The following MGAT4D variants were observed in gnomAD, a reference collection of about 807,000 sequenced individuals.
The protein encoded by MGAT4D is alpha-1,3-mannosyl-glycoprotein 4-beta-N-acetylglucosaminyltransferase-like protein MGAT4D.
A neutral mutation model predicts 15.9 loss-of-function variants in MGAT4D; 34 were observed. The observed-to-expected ratio is 2.14, with a 90% confidence interval of 1.62 to 2.84. The LOEUF (loss-of-function observed/expected upper bound fraction) is 2.84. MGAT4D is among the 30% of genes most tolerant of loss of function. The pLI is 0.00. For synonymous variants in MGAT4D, 112 were observed against 48.2 expected, an observed-to-expected ratio of 2.33 and a Z score of -5.49; for missense variants, 327 against 140.2, an observed-to-expected ratio of 2.33 and a Z score of -6.73.
intron 9 of MGAT4D, 35 bp downstream of exon 9, chr4:140,456,554 C>A: frequency 1.1e-5 from 6 of 550,782 alleles, no homozygotes; most frequent in South Asian, 4.9e-5. Flanking sequence ...AATATTTTTC[C>A]TAAAATATTT....
chr4:140,467,250 GA>G (rs553634941), intron 5 of MGAT4D, among the ~76,000 whole-genome samples: 21 of 150,334 alleles, frequency 1.4e-4, no homozygotes, highest in Admixed American at 6.6e-5. Context: ...TACTGGCGTA[GA>G]AAAAAAAAGA....
intron 1 of MGAT4D, among the ~76,000 whole-genome samples, chr4:140,488,687 G>A (rs555175227): frequency 6.6e-6 from 1 of 152,258 alleles, no homozygotes. Flanking sequence ...GAAATGGTAT[G>A]GTATGTGATA....
chr4:140,475,660 C>CAAA (rs1162390812), intron 3 of MGAT4D, among the ~76,000 whole-genome samples: 1,473 of 52,808 alleles, frequency 0.028, 71 homozygotes, highest in East Asian at 0.25. Context: ...AATAAAACTG[C>CAAA]AAAAAAAAAA....
At chr4:140,477,450 C>G (rs1347631156) in intron 3 of MGAT4D, among the ~76,000 whole-genome samples, 3 of 152,242 alleles carry the variant, frequency 2.0e-5, no homozygotes, top group Non-Finnish European at 4.4e-5. Flanking sequence ...GAAGAATTCA[C>G]AGAGAAGTTG....
chr4:140,478,580 C>T (rs1362256214), intron 3 of MGAT4D, among the ~76,000 whole-genome samples: 1 of 152,036 alleles, frequency 6.6e-6, no homozygotes, highest in Non-Finnish European at 1.5e-5. Context: ...AGGTGTAAAA[C>T]AGAGATGACA....
intron 5 of MGAT4D, among the ~76,000 whole-genome samples, chr4:140,465,411 C>T (rs902387720): frequency 2.6e-5 from 4 of 152,146 alleles, no homozygotes; most frequent in Non-Finnish European, 5.9e-5. Context: ...AGCAATGTGG[C>T]TCCTGAAACT....
intron 3 of MGAT4D, 101 bp downstream of exon 3, chr4:140,479,389 T>C (rs1175983619): frequency 2.7e-6 from 1 of 368,852 alleles, no homozygotes; most frequent in Non-Finnish European, 4.9e-6. Context: ...GTAGTCTGCA[T>C]ATCAATCTAA....
chr4:140,470,727 C>T (rs1053607690), intron 5 of MGAT4D, among the ~76,000 whole-genome samples: 7 of 152,214 alleles, frequency 4.6e-5, no homozygotes, highest in Non-Finnish European at 1.0e-4. Flanking sequence ...AGAATGTCTA[C>T]TTATTCCTTC....
intron 1 of MGAT4D, among the ~76,000 whole-genome samples, chr4:140,488,896 G>A (rs781728890): frequency 6.6e-6 from 1 of 152,092 alleles, no homozygotes; most frequent in Non-Finnish European, 1.5e-5. Flanking sequence ...TGACATGCCT[G>A]CCTGCTCTGG....
At chr4:140,483,547 CA>C (rs1341961315) in intron 1 of MGAT4D, among the ~76,000 whole-genome samples, 7 of 151,904 alleles carry the variant, frequency 4.6e-5, no homozygotes, top group African/African-American at 1.7e-4. Context: ...CAAAAGACCC[CA>C]AAAAGCCAAA....
At chr4:140,458,756 A>G (rs1335309250) in intron 8 of MGAT4D, 1 of 152,186 alleles carries the variant, frequency 6.6e-6, no homozygotes, top group Non-Finnish European at 1.5e-5. Flanking sequence ...AATATTTCAC[A>G]TGGATATTGT....
At chr4:140,450,979 C>T (rs913899111) in intron 10 of MGAT4D, among the ~76,000 whole-genome samples, 1 of 152,060 alleles carries the variant, frequency 6.6e-6, no homozygotes, top group Non-Finnish European at 1.5e-5. Flanking sequence ...TCAAGCAACG[C>T]TAAATTTTTC....
At chr4:140,459,799 C>CTTTTTTTTTTTTTTTTTTTTTTTT (rs576574327) in intron 7 of MGAT4D, among the ~76,000 whole-genome samples, 173 bp from the exon 8 acceptor site, 1 of 109,064 alleles carries the variant, frequency 9.2e-6, no homozygotes, top group Non-Finnish European at 1.8e-5. Flanking sequence ...AGTTGATTTC[C>CTTTTTTTTTTTTTTTTTTTTTTTT]TTTTTTTTTT....
chr4:140,473,030 T>A (rs1732073102), intron 4 of MGAT4D, among the ~76,000 whole-genome samples: 1 of 152,140 alleles, frequency 6.6e-6, no homozygotes, highest in Non-Finnish European at 1.5e-5. Context: ...TTCTTCTTAA[T>A]CCCAGCATTT....
intron 2 of MGAT4D, among the ~76,000 whole-genome samples, chr4:140,481,091 T>C (rs1732690478): frequency 6.7e-6 from 1 of 149,902 alleles, no homozygotes; most frequent in African/African-American, 2.5e-5. Flanking sequence ...GAGGCTTGCT[T>C]GAGGCCAGGA....
intron 10 of MGAT4D, among the ~76,000 whole-genome samples, chr4:140,447,607 T>C (rs1730214669): frequency 6.6e-6 from 1 of 152,020 alleles, no homozygotes. Context: ...GTATGTGAGA[T>C]GGATCTCTTG....
intron 1 of MGAT4D, among the ~76,000 whole-genome samples, chr4:140,484,320 C>A (rs930739542): frequency 6.6e-6 from 1 of 152,032 alleles, no homozygotes; most frequent in African/African-American, 2.4e-5. Flanking sequence ...CAGCAAAATG[C>A]AAATTAAAAC....
At chr4:140,482,669 T>C (rs1434285835) in intron 1 of MGAT4D, among the ~76,000 whole-genome samples, 184 bp from the exon 2 acceptor site, 1 of 151,918 alleles carries the variant, frequency 6.6e-6, no homozygotes, top group East Asian at 1.9e-4. Context: ...AATACGTGCA[T>C]AGGTACAAAT....
chr4:140,461,209 G>A (rs536270411), intron 7 of MGAT4D, among the ~76,000 whole-genome samples: 88 of 152,242 alleles, frequency 5.8e-4, no homozygotes, highest in Non-Finnish European at 1.0e-3. Context: ...ACATTGGCTG[G>A]ATCTTGTGTT....
Sources: gnomAD v4.1 joint callset for allele counts (sites outside exome capture counted in the v4.1 genomes callset) on GRCh38, gnomAD v4.1.1 for gene constraint, MANE v1.5 for transcripts, NCBI Gene and HGNC (gene_info 2026-07-23, HGNC 2026-07-21) for gene names.